AXDND1: variants seen among roughly 807,000 people sequenced by gnomAD.
AXDND1 encodes the protein axonemal dynein light chain domain-containing protein 1.
A neutral mutation model predicts 137.5 loss-of-function variants in AXDND1; 110 were observed. That is an observed-to-expected ratio of 0.80 (90% confidence interval 0.69 to 0.94). The LOEUF (loss-of-function observed/expected upper bound fraction) is 0.94, where lower values mean the gene tolerates loss of function less well. Among genes scored for constraint, AXDND1 ranks in the 40% least tolerant of loss-of-function variants. The probability of loss-of-function intolerance (pLI) is 0.00; values close to 1 mark genes in which losing one functional copy is unlikely to be tolerated. For synonymous variants in AXDND1, 414 were observed against 399.7 expected (o/e 1.04, Z -0.43); for missense variants, 1,191 against 1,169.8 (o/e 1.02, Z -0.26).
intron 25 of AXDND1, among the ~76,000 whole-genome samples, chr1:179,540,818 G>A (rs759652253): frequency 6.6e-6 from 1 of 152,212 alleles, no homozygotes; most frequent in Non-Finnish European, 1.5e-5. Context: ...TCTGTCCCAG[G>A]GAGATGAGGC....
intron 4 of AXDND1, among the ~76,000 whole-genome samples, chr1:179,372,837 C>T (rs1668177023): frequency 6.6e-6 from 1 of 152,054 alleles, no homozygotes; most frequent in Non-Finnish European, 1.5e-5. Flanking sequence ...GCATGCACCA[C>T]CATGCCCAGC....
chr1:179,466,988 T>C (rs573914337), intron 16 of AXDND1, among the ~76,000 whole-genome samples: 2 of 152,274 alleles, frequency 1.3e-5, no homozygotes, highest in African/African-American at 4.8e-5. Flanking sequence ...GGGGTCCCAA[T>C]AGTATCCTGG....
chr1:179,467,251 A>C (rs1261991660), intron 16 of AXDND1, among the ~76,000 whole-genome samples: 1 of 152,126 alleles, frequency 6.6e-6, no homozygotes, highest in Non-Finnish European at 1.5e-5. Flanking sequence ...TTCAATTTAA[A>C]ACTGCACTAT....
chr1:179,525,988 C>A, intron 22 of AXDND1, among the ~76,000 whole-genome samples: 1 of 152,136 alleles, frequency 6.6e-6, no homozygotes, highest in East Asian at 1.9e-4. Context: ...CTTTTCCCTT[C>A]TAAATCCAGC....
chr1:179,500,302 A>G (rs998859144), intron 20 of AXDND1, among the ~76,000 whole-genome samples: 3 of 150,176 alleles, frequency 2.0e-5, no homozygotes, highest in Admixed American at 6.7e-5. Context: ...CTATATATGT[A>G]TATATATATA....
At chr1:179,442,953 CAGCGCTCCATATGTATTA>C (rs1659209088) in intron 15 of AXDND1, among the ~76,000 whole-genome samples, 1 of 152,162 alleles carries the variant, frequency 6.6e-6, no homozygotes, top group African/African-American at 2.4e-5. Context: ...GAGCTTTACA[CAGCGCTCCATATGTATTA>C]GGTAAAAGAG....
chr1:179,482,098 ATTTTTTTTTTTT>A (rs57145549), intron 17 of AXDND1, among the ~76,000 whole-genome samples: 5 of 108,068 alleles, frequency 4.6e-5, no homozygotes, highest in Admixed American at 9.8e-5. Context: ...GAGCTTTTTA[ATTTTTTTTTTTT>A]TTTTTTTTTT....
Position 179,408,295 on chromosome 1 carries a change from T to C in AXDND1, c.1110-2851T>C, listed in dbSNP as rs1653290334. ...CTTTCTGTTGAGATTGGTTACTAGA[T>C]AATTATTTTTTCATGTTTCCTATGT... On this transcript the variant is annotated intron_variant, in intron 11 of 25. Transcript: ENST00000367618. Among the ~76,000 whole-genome samples the C allele has an allele frequency of 2.0e-5, 3 of 152,184 alleles. No individual in the cohort carries two copies. The South Asian group carries it at 6.2e-4, about 31-fold the overall frequency.
chr1:179,530,086 A>G lies in AXDND1; in HGVS notation c.2715+1655A>G, dbSNP rs533154974. On this transcript the variant is annotated intron_variant, in intron 23 of 25. Transcript: ENST00000367618. ...GCACTGTCACCTGGGCTGGAGTGCA[A>G]TGGTGCAATCTCGGCTCACTGCAAC... Among the ~76,000 whole-genome samples the G allele has an allele frequency of 1.3e-4, 20 of 152,152 alleles. 1 individual carries two copies. In the South Asian group the frequency reaches 3.3e-3, roughly 25 times the overall value.
intron 21 of AXDND1, among the ~76,000 whole-genome samples, chr1:179,512,267 G>A (rs938516567): frequency 1.3e-5 from 2 of 152,070 alleles, no homozygotes. Flanking sequence ...ATCCAGTTTC[G>A]TTCTCCTACA....
intron 25 of AXDND1, among the ~76,000 whole-genome samples, chr1:179,538,901 G>A (rs1445493253): frequency 1.3e-5 from 2 of 152,166 alleles, no homozygotes; most frequent in South Asian, 2.1e-4. Context: ...ATATATTTAG[G>A]AGAGTTAGCT....
intron 20 of AXDND1, chr1:179,506,855 A>G (rs1268439714): frequency 1.0e-6 from 1 of 985,274 alleles, no homozygotes; most frequent in African/African-American, 1.7e-5. Flanking sequence ...CGGTTCCAGG[A>G]TTTGGTCCTC....
At chr1:179,419,672 A>AGAGAGG (rs150512535) in intron 12 of AXDND1, among the ~76,000 whole-genome samples, 2 of 139,580 alleles carry the variant, frequency 1.4e-5, no homozygotes, top group African/African-American at 5.4e-5. Context: ...GGAGGGAGAC[A>AGAGAGG]GAGAGGGAGA....
At chr1:179,538,286 G>A (rs1386390852) in intron 25 of AXDND1, among the ~76,000 whole-genome samples, 1 of 151,842 alleles carries the variant, frequency 6.6e-6, no homozygotes, top group Non-Finnish European at 1.5e-5. Context: ...GTGATGTTAG[G>A]GTGTCAATGT....
Position 179,432,298 on chromosome 1 carries a change from A to G in AXDND1, c.1519A>G (p.Asn507Asp). 6.4e-7 allele frequency: 1 copy of G among 1,570,860 alleles called. No homozygotes were observed. Among genetic ancestry groups the G allele is most frequent in the East Asian group, 2.3e-5 (1 of 44,006 alleles). Residue 507 changes from asparagine to aspartate, a missense_variant, in exon 15 of 26, where the codon AAT (asparagine) becomes GAT (aspartate). Coordinates refer to ENST00000367618, the MANE Select transcript of AXDND1 (RefSeq NM_144696.6). ...AGACATTTTATCCCCTAATAAGGGA[A>G]ATATATTTAATTCAGTTCTTTTAGA... ...EKDILSPNKG[N>D]IFNSVLLDFK...
chr1:179,426,856 T>A (rs1322530706), intron 12 of AXDND1, among the ~76,000 whole-genome samples: 2 of 152,124 alleles, frequency 1.3e-5, no homozygotes, highest in African/African-American at 4.8e-5. Flanking sequence ...ATAAAAACTA[T>A]CACAAGTATA....
At chr1:179,451,606 A>C (rs1660562065) in intron 16 of AXDND1, 1 of 152,058 alleles carries the variant, frequency 6.6e-6, no homozygotes, top group African/African-American at 2.4e-5. Flanking sequence ...GAATTTCCAC[A>C]TGTTGTGGGA....
At chr1:179,406,819 A>ATG (rs1253742484) in intron 11 of AXDND1, among the ~76,000 whole-genome samples, 1 of 152,164 alleles carries the variant, frequency 6.6e-6, no homozygotes, top group Non-Finnish European at 1.5e-5. Flanking sequence ...GCCAATCTAT[A>ATG]TCTTTTACAT....
chr1:179,405,702 A>G (rs1207335039), intron 11 of AXDND1, among the ~76,000 whole-genome samples: 3 of 137,756 alleles, frequency 2.2e-5, no homozygotes, highest in African/African-American at 7.6e-5. Context: ...GGTATCAGTT[A>G]TATCTCTTTT....
Sources: gnomAD v4.1 joint callset for allele counts (sites outside exome capture counted in the v4.1 genomes callset) on GRCh38, gnomAD v4.1.1 for gene constraint, MANE v1.5 for transcripts, NCBI Gene and HGNC (gene_info 2026-07-23, HGNC 2026-07-21) for gene names.